The following HECW2 variants were observed in gnomAD, a reference collection of about 807,000 sequenced individuals.
HECW2 encodes the protein HECT, C2 and WW domain containing E3 ubiquitin protein ligase 2.
In HECW2, 61 loss-of-function variants were observed where a neutral mutation model predicts 175.2. The observed-to-expected ratio is 0.35, with a 90% CI of 0.28 to 0.43. HECW2 has a LOEUF of 0.43. Ranked by LOEUF, HECW2 falls within the 20% of genes least tolerant of loss-of-function variation. The pLI is 1.00. For missense variants in HECW2, 1,524 were observed against 2,000.5 expected, an observed-to-expected ratio of 0.76 and a Z score of 4.54; for synonymous variants, 671 against 731.0, an observed-to-expected ratio of 0.92 and a Z score of 1.32.
chr2:196,335,830 A>G (rs1177333075), intron 3 of HECW2, among the ~76,000 whole-genome samples: 2 of 152,208 alleles, frequency 1.3e-5, no homozygotes, highest in African/African-American at 2.4e-5. Context: ...GCCACAGCAC[A>G]TGGCCAGGAA....
chr2:196,302,885 C>G (rs986437558), intron 13 of HECW2, among the ~76,000 whole-genome samples: 2 of 152,192 alleles, frequency 1.3e-5, no homozygotes, highest in Admixed American at 6.5e-5. Context: ...TTCCTTTCTT[C>G]CTAGCTGAAT....
intron 2 of HECW2, among the ~76,000 whole-genome samples, chr2:196,411,495 G>A (rs753237808): frequency 4.6e-5 from 7 of 152,216 alleles, no homozygotes; most frequent in Non-Finnish European, 7.3e-5. Flanking sequence ...GTGCAAAGGA[G>A]GATGGCTCTC....
chr2:196,362,738 GAAAGAGTT>G (rs1435241052), intron 2 of HECW2, among the ~76,000 whole-genome samples: 3 of 152,182 alleles, frequency 2.0e-5, no homozygotes, highest in Non-Finnish European at 4.4e-5. Context: ...TCTTATACTG[GAAAGAGTT>G]GGGGTAGGGA....
chr2:196,282,854 T>C (rs1690238406), intron 14 of HECW2, among the ~76,000 whole-genome samples: 1 of 152,154 alleles, frequency 6.6e-6, no homozygotes, highest in Admixed American at 6.5e-5. Flanking sequence ...CTGAACTAGC[T>C]TTTTTAGGTT....
chr2:196,456,496 T>C (rs893487103), intron 1 of HECW2, among the ~76,000 whole-genome samples: 14 of 152,206 alleles, frequency 9.2e-5, no homozygotes, highest in Non-Finnish European at 4.4e-5. Flanking sequence ...AAATGGCTCC[T>C]TGGGACTGAC....
chr2:196,308,105 C>T lies in HECW2; in HGVS notation c.2435-20G>A, dbSNP rs1377799423. ...CCCAGTCTAAATGGCAGTGAGGCAC[C>T]GAAAGGAATTAGGAGGAGGAGCTGA... On this transcript the variant is annotated intron_variant, in intron 10 of 28. Transcript: ENST00000644978. The T allele has an allele frequency of 3.3e-6, 5 of 1,534,490 alleles. No homozygotes were observed. Among genetic ancestry groups the T allele is most frequent in the South Asian group, 1.2e-5 (1 of 82,050 alleles).
intron 10 of HECW2, among the ~76,000 whole-genome samples, chr2:196,313,769 A>G (rs564134048): frequency 6.6e-6 from 1 of 152,296 alleles, no homozygotes; most frequent in Admixed American, 6.5e-5. Context: ...AAAAGAATCA[A>G]AGCCAGACAC....
At chr2:196,460,939 C>T (rs1015257305) in intron 1 of HECW2, among the ~76,000 whole-genome samples, 24 of 151,784 alleles carry the variant, frequency 1.6e-4, no homozygotes, top group African/African-American at 5.8e-4. Context: ...AAAGAGACTC[C>T]TAAATGGAGA....
At chr2:196,206,154 G>GT (rs1687060549) in intron 28 of HECW2, among the ~76,000 whole-genome samples, 1 of 152,164 alleles carries the variant, frequency 6.6e-6, no homozygotes, top group South Asian at 2.1e-4. Flanking sequence ...CAGCTATTCA[G>GT]TCTCAATAAA....
intron 17 of HECW2, among the ~76,000 whole-genome samples, chr2:196,268,950 A>G (rs1044178910): frequency 2.6e-5 from 4 of 152,184 alleles, no homozygotes; most frequent in Non-Finnish European, 5.9e-5. Context: ...TGGATTACTG[A>G]GTGGATGCCA....
intron 1 of HECW2, among the ~76,000 whole-genome samples, chr2:196,541,780 G>A (rs894690139): frequency 4.6e-5 from 7 of 151,364 alleles, no homozygotes; most frequent in Non-Finnish European, 8.8e-5. Flanking sequence ...CCAGAAACCA[G>A]AAAGGACTCT....
chr2:196,409,766 A>G (rs1016780626), intron 2 of HECW2, among the ~76,000 whole-genome samples: 1 of 152,178 alleles, frequency 6.6e-6, no homozygotes, highest in African/African-American at 2.4e-5. Flanking sequence ...CCCTCTAGGT[A>G]TGAGGGCAGG....
intron 1 of HECW2, chr2:196,592,774 G>A (rs1423177308): frequency 6.6e-6 from 1 of 151,860 alleles, no homozygotes. Context: ...GCGCTCACCT[G>A]GGCTTTGCGC....
At chr2:196,548,574 G>A (rs1689500816) in intron 1 of HECW2, among the ~76,000 whole-genome samples, 5 of 152,270 alleles carry the variant, frequency 3.3e-5, no homozygotes, top group African/African-American at 1.2e-4. Flanking sequence ...ATTCTACTTT[G>A]AAAAACCCCA....
chr2:196,268,334 T>C, intron 17 of HECW2, among the ~76,000 whole-genome samples: 1 of 152,194 alleles, frequency 6.6e-6, no homozygotes, highest in South Asian at 2.1e-4. Flanking sequence ...TATCAAATAA[T>C]TGCATAAAAA....
At chr2:196,279,011 T>C (rs889032711) in intron 14 of HECW2, among the ~76,000 whole-genome samples, 2 of 152,116 alleles carry the variant, frequency 1.3e-5, no homozygotes, top group African/African-American at 4.8e-5. Flanking sequence ...CTGTCATATG[T>C]GGTTATTATA....
chr2:196,523,470 C>T (rs1367658657), intron 1 of HECW2, among the ~76,000 whole-genome samples: 2 of 150,724 alleles, frequency 1.3e-5, no homozygotes, highest in African/African-American at 4.9e-5. Flanking sequence ...CCTTTATTTC[C>T]TTCTCCTGCC....
intron 21 of HECW2, among the ~76,000 whole-genome samples, chr2:196,229,408 C>G (rs566559939): frequency 6.6e-6 from 1 of 152,124 alleles, no homozygotes; most frequent in Non-Finnish European, 1.5e-5. Context: ...GCCTGTAATC[C>G]CAGCACTTTG....
rs554851459 is a variant in HECW2 at position 196,292,509 on chromosome 2, A to T, written c.3000+56T>A. 211 of 1,494,290 alleles carry T rather than the reference A, an allele frequency of 1.4e-4. No individual in the cohort carries two copies. The African/African-American group carries it at 2.2e-3, about 16-fold the overall frequency. 92.6% of individuals were successfully genotyped at this position (1,494,290 alleles called of 1,614,324 possible). A position where few individuals can be genotyped will look rare whatever the true frequency, so the allele number is the denominator to read the frequency against. On this transcript the variant is annotated intron_variant, in intron 14 of 28. Transcript: ENST00000644978. Reference sequence around the variant, plus strand: ...CTTGAAGGGTAGGGCCAAGTGTCGAAGCCACAAGCAGCCCACAGGCATTTG... The same window carrying T: ...CTTGAAGGGTAGGGCCAAGTGTCGATGCCACAAGCAGCCCACAGGCATTTG...
Sources: allele counts gnomAD v4.1 joint callset (sites outside exome capture counted in the v4.1 genomes callset), GRCh38; gene constraint gnomAD v4.1.1; transcripts MANE v1.5; gene names NCBI Gene and HGNC (gene_info 2026-07-23, HGNC 2026-07-21).